Variants in DMD observed in about 807,000 individuals in gnomAD.
DMD encodes the protein mutant dystrophin.
DMD carries 63 observed loss-of-function variants against 330.1 expected under a neutral mutation model. That is an observed-to-expected ratio of 0.19 (90% CI 0.16 to 0.24). The LOEUF (loss-of-function observed/expected upper bound fraction) is 0.24. Among genes scored for constraint, DMD ranks in the 10% least tolerant of loss-of-function variants. DMD has a pLI of 1.00. For missense variants in DMD, 3,344 were observed against 2,684.1 expected, an observed-to-expected ratio of 1.25 and a Z score of -5.43; for synonymous variants, 1,223 against 959.8, an observed-to-expected ratio of 1.27 and a Z score of -5.07.
chrX:32,626,161 T>A (rs1242760343), intron 11 of DMD, among the ~76,000 whole-genome samples: 1 of 112,026 alleles, frequency 8.9e-6, no homozygotes, highest in African/African-American at 3.2e-5. Context: ...TGGAATTGAT[T>A]TATTTACTTA....
At chrX:32,631,467 G>A (rs1228695265) in intron 11 of DMD, among the ~76,000 whole-genome samples, 5 of 111,799 alleles carry the variant, frequency 4.5e-5, no homozygotes, top group African/African-American at 1.6e-4. Flanking sequence ...GTAAGCCAGG[G>A]CCTGGGGTCA....
At chrX:32,432,909 T>C (rs2098244166) in intron 29 of DMD, among the ~76,000 whole-genome samples, 1 of 112,280 alleles carries the variant, frequency 8.9e-6, no homozygotes, top group African/African-American at 3.2e-5. Flanking sequence ...TCATAAATGT[T>C]ACTATTACAG....
chrX:32,468,416 T>C (rs1248891334), intron 23 of DMD, 82 bp downstream of exon 23: 2 of 874,992 alleles, frequency 2.3e-6, no homozygotes, highest in Non-Finnish European at 3.3e-6. Flanking sequence ...CAAATGCTTA[T>C]GTACCTTTAC....
intron 1 of DMD, among the ~76,000 whole-genome samples, chrX:33,031,674 C>T (rs925717935): frequency 1.2e-4 from 13 of 110,457 alleles, no homozygotes; most frequent in Non-Finnish European, 2.5e-4. Flanking sequence ...GGGAGGCTGA[C>T]GCAGGAGAAT....
intron 1 of DMD, among the ~76,000 whole-genome samples, chrX:33,132,390 T>A (rs1396828722): frequency 9.0e-6 from 1 of 111,368 alleles, no homozygotes; most frequent in African/African-American, 3.3e-5. Context: ...GGTGCTTGAG[T>A]ATCATACCCA....
At chrX:32,560,619 G>C (rs772257953) in intron 16 of DMD, among the ~76,000 whole-genome samples, 3 of 110,895 alleles carry the variant, frequency 2.7e-5, no homozygotes, top group Non-Finnish European at 5.7e-5. Flanking sequence ...GCCCCAGTGT[G>C]TGTTGTTCTC....
At chrX:32,344,717 A>T (rs1367677530) in intron 39 of DMD, among the ~76,000 whole-genome samples, 2 of 111,469 alleles carry the variant, frequency 1.8e-5, no homozygotes, top group Non-Finnish European at 3.8e-5. Context: ...ATATTTAGAG[A>T]TGTCATGTAG....
At chrX:32,732,147 G>A (rs976419403) in intron 7 of DMD, among the ~76,000 whole-genome samples, 20 of 111,726 alleles carry the variant, frequency 1.8e-4, no homozygotes, top group Non-Finnish European at 3.0e-4. Context: ...CGATCAACTG[G>A]AAGAAAGGGT....
chrX:32,942,277 T>C (rs2090477517), intron 2 of DMD, among the ~76,000 whole-genome samples: 1 of 112,610 alleles, frequency 8.9e-6, no homozygotes, highest in African/African-American at 3.2e-5. Context: ...GAGCAGTGGC[T>C]CATGCCTGTA....
intron 48 of DMD, among the ~76,000 whole-genome samples, chrX:31,860,731 T>C (rs2093685033): frequency 8.9e-6 from 1 of 112,584 alleles, no homozygotes; most frequent in South Asian, 3.6e-4. Context: ...GCCACAAACC[T>C]TCTTTAGGTA....
chrX:32,556,797 C>A (rs903419498), intron 16 of DMD, among the ~76,000 whole-genome samples: 1 of 111,528 alleles, frequency 9.0e-6, no homozygotes, highest in African/African-American at 3.2e-5. Flanking sequence ...GCCTTTGTAA[C>A]TTTTTTGTTA....
intron 62 of DMD, among the ~76,000 whole-genome samples, chrX:31,301,080 G>A (rs759661886): frequency 8.9e-6 from 1 of 111,898 alleles, no homozygotes; most frequent in South Asian, 3.8e-4. Context: ...ACATGTGGGA[G>A]CTAGCCTGAG....
At chrX:32,537,058 G>A (rs1603635760) in intron 17 of DMD, among the ~76,000 whole-genome samples, 1 of 111,753 alleles carries the variant, frequency 8.9e-6, no homozygotes, top group African/African-American at 3.3e-5. Context: ...GGTACATTTG[G>A]AGGGATTTAG....
intron 19 of DMD, among the ~76,000 whole-genome samples, chrX:32,495,963 C>G (rs1324237776): frequency 9.0e-6 from 1 of 111,725 alleles, no homozygotes; most frequent in Non-Finnish European, 1.9e-5. Flanking sequence ...GATCATAATC[C>G]ATTCACATCT....
At chrX:32,114,890 A>AAAT (rs1375886919) in intron 44 of DMD, among the ~76,000 whole-genome samples, 6 of 112,264 alleles carry the variant, frequency 5.3e-5, no homozygotes, top group Non-Finnish European at 1.1e-4. Context: ...AACCTACCAC[A>AAAT]AATAGTTTTT....
chrX:32,612,975 G>C (rs1028367391), intron 12 of DMD, among the ~76,000 whole-genome samples: 1 of 111,189 alleles, frequency 9.0e-6, no homozygotes, highest in South Asian at 3.7e-4. Flanking sequence ...GAACTGTAAA[G>C]CTATATATGA....
At chrX:32,948,889 C>G (rs1462864902) in intron 2 of DMD, among the ~76,000 whole-genome samples, 2 of 110,826 alleles carry the variant, frequency 1.8e-5, no homozygotes, top group African/African-American at 6.6e-5. Flanking sequence ...TTATCGATAC[C>G]AAGATGTGAT....
chrX:33,209,917 T>G (rs755892458), intron 1 of DMD, among the ~76,000 whole-genome samples: 1 of 110,352 alleles, frequency 9.1e-6, no homozygotes, highest in South Asian at 3.8e-4. Context: ...ATGTAGAATA[T>G]ATATATATAT....
At chrX:31,628,512 C>G (rs375158942) in intron 54 of DMD, among the ~76,000 whole-genome samples, 11 of 111,595 alleles carry the variant, frequency 9.9e-5, no homozygotes, top group African/African-American at 3.6e-4. Flanking sequence ...TTTTGCATGA[C>G]ATCAGTTATA....
Sources: gnomAD v4.1 joint callset for allele counts (sites outside exome capture counted in the v4.1 genomes callset) on GRCh38, gnomAD v4.1.1 for gene constraint, MANE v1.5 for transcripts, NCBI Gene and HGNC (gene_info 2026-07-23, HGNC 2026-07-21) for gene names.